KLF12: variants seen among roughly 807,000 people sequenced by gnomAD.
KLF12 encodes KLF transcription factor 12.
A neutral mutation model predicts 37.8 loss-of-function variants in KLF12; 9 were observed. The observed-to-expected ratio is 0.24, with a 90% CI of 0.14 to 0.42. The LOEUF (loss-of-function observed/expected upper bound fraction) is 0.42. KLF12 is among the 10% of genes least tolerant of loss of function. The probability of loss-of-function intolerance (pLI) is 1.00; values close to 1 mark genes in which losing one functional copy is unlikely to be tolerated. For missense variants in KLF12, 411 were observed against 516.0 expected, an observed-to-expected ratio of 0.80 and a Z score of 1.97; for synonymous variants, 208 against 202.1, an observed-to-expected ratio of 1.03 and a Z score of -0.25.
At position 73,956,701 on chromosome 13, in the gene KLF12, G is replaced by A. The variant is rs1890844721; in HGVS notation, c.34-12631C>T. Among the ~76,000 whole-genome samples, 2 of 152,072 alleles carry A rather than the reference G, an allele frequency of 1.3e-5. 1 individual carries two copies. The highest frequency in any genetic ancestry group is 4.1e-4 in the South Asian group (2 of 4,824). ...CTTGGGAGGCCAAGGCAGGAGGACTGCTTGAGCCCAGGAGTTTCAGACCAG... is the reference window on the plus strand; with the variant it reads ...CTTGGGAGGCCAAGGCAGGAGGACTACTTGAGCCCAGGAGTTTCAGACCAG... On this transcript the variant is annotated intron_variant, in intron 2 of 7. Transcript: ENST00000377669.
At chr13:73,729,648 G>C (rs865820939) in intron 6 of KLF12, among the ~76,000 whole-genome samples, 13 of 152,286 alleles carry the variant, frequency 8.5e-5, no homozygotes, top group Admixed American at 7.2e-4. Flanking sequence ...CATATTTATT[G>C]ATGATTAAAT....
chr13:74,151,998 AG>A, the KLF12 span, among the ~76,000 whole-genome samples: 1 of 152,230 alleles, frequency 6.6e-6, no homozygotes, highest in African/African-American at 2.4e-5. Context: ...GAGAATAAAA[AG>A]GGCAACTAAC....
chr13:74,178,244 A>G, the KLF12 span, among the ~76,000 whole-genome samples: 1 of 152,232 alleles, frequency 6.6e-6, no homozygotes, highest in Non-Finnish European at 1.5e-5. Flanking sequence ...TGGTGTTGAC[A>G]AGCTCCCAAG....
intron 1 of KLF12, among the ~76,000 whole-genome samples, chr13:74,099,297 G>A (rs560992857): frequency 3.9e-5 from 6 of 152,200 alleles, no homozygotes; most frequent in South Asian, 4.1e-4. Flanking sequence ...AGTGAGCTAA[G>A]ATCAAGGCCA....
At chr13:74,166,154 G>A in the KLF12 span, among the ~76,000 whole-genome samples, 9 of 145,534 alleles carry the variant, frequency 6.2e-5, no homozygotes, top group East Asian at 2.1e-4. Context: ...GAGCAGTGGC[G>A]CGATCCCAGC....
At position 73,866,565 on chromosome 13, in the gene KLF12, C is replaced by T. The variant is rs888201517; in HGVS notation, c.124-20192G>A. 6.6e-5 allele frequency among the ~76,000 whole-genome samples: 10 copies of T among 151,944 alleles called. No homozygotes were observed. The South Asian group carries it at 1.9e-3, about 28-fold the overall frequency. The stretch of plus-strand genomic sequence containing the variant: ...ACCAGAAGACAACAGGATAGGTTTA[C>T]ATTCTGAAATAAAAAAAAATAAAAC... On this transcript the variant is annotated intron_variant, in intron 3 of 7. Transcript: ENST00000377669.
At chr13:74,248,700 C>A in the KLF12 span, among the ~76,000 whole-genome samples, 1 of 152,126 alleles carries the variant, frequency 6.6e-6, no homozygotes, top group South Asian at 2.1e-4. Flanking sequence ...CGAGACCAGT[C>A]CTATTGGCTG....
At chr13:73,767,471 T>G (rs572932527) in intron 5 of KLF12, among the ~76,000 whole-genome samples, 20 of 152,194 alleles carry the variant, frequency 1.3e-4, no homozygotes, top group Admixed American at 3.3e-4. Context: ...AACTGCTGGA[T>G]GTGGAAAGAA....
chr13:73,691,412 T>C lies in KLF12; in HGVS notation c.*4078A>G, dbSNP rs1333410504. The stretch of plus-strand genomic sequence containing the variant: ...TACTAGAATACATTTACCTGCTAAG[T>C]TTACAGGCAACATTGAAGAGCAAAA... On this transcript the variant is annotated 3_prime_UTR_variant, in exon 8 of 8. Coordinates refer to ENST00000377669, the MANE Select transcript of KLF12 (RefSeq NM_007249.5). 1 of 152,642 alleles carries C rather than the reference T, an allele frequency of 6.6e-6. No individual in the cohort carries two copies. The highest frequency in any genetic ancestry group is 1.5e-5 in the Non-Finnish European group (1 of 68,028). The allele number at this position is 152,642 out of a possible 1,614,324, so 9.5% of individuals were successfully genotyped here.
chr13:74,265,958 A>C, the KLF12 span, among the ~76,000 whole-genome samples: 2 of 152,096 alleles, frequency 1.3e-5, no homozygotes, highest in East Asian at 3.9e-4. Context: ...GCTCCATTCA[A>C]CTCTCCAATT....
At chr13:73,993,868 CCTT>C (rs1263690239) in intron 2 of KLF12, among the ~76,000 whole-genome samples, 2 of 137,174 alleles carry the variant, frequency 1.5e-5, no homozygotes, top group East Asian at 5.4e-4. Context: ...CCTCTCCCCT[CCTT>C]CTCCCAGAGA....
intron 6 of KLF12, among the ~76,000 whole-genome samples, chr13:73,761,434 C>G (rs1246929194): frequency 1.3e-5 from 2 of 152,158 alleles, no homozygotes; most frequent in Non-Finnish European, 2.9e-5. Context: ...GGAGACAACT[C>G]TCCTGTATCA....
chr13:74,226,647 T>G, the KLF12 span, among the ~76,000 whole-genome samples: 1 of 152,186 alleles, frequency 6.6e-6, no homozygotes, highest in Non-Finnish European at 1.5e-5. Flanking sequence ...TTCAATATGC[T>G]TTAAAGAAAA....
chr13:73,887,290 G>T (rs946110493), intron 3 of KLF12, among the ~76,000 whole-genome samples: 21 of 152,176 alleles, frequency 1.4e-4, no homozygotes, highest in African/African-American at 5.1e-4. Context: ...TTAGATATTT[G>T]TCCTGCCCAA....
At chr13:74,216,614 T>C in the KLF12 span, among the ~76,000 whole-genome samples, 1 of 152,162 alleles carries the variant, frequency 6.6e-6, no homozygotes, top group South Asian at 2.1e-4. Context: ...TCAGGAGACA[T>C]AATGAAGAGA....
At chr13:74,283,973 C>T in the KLF12 span, among the ~76,000 whole-genome samples, 1 of 151,820 alleles carries the variant, frequency 6.6e-6, no homozygotes. Flanking sequence ...CATTCTCCTA[C>T]CTCAGCCTCC....
intron 6 of KLF12, among the ~76,000 whole-genome samples, chr13:73,731,270 C>A (rs1877036094): frequency 6.6e-6 from 1 of 151,800 alleles, no homozygotes; most frequent in Admixed American, 6.6e-5. Context: ...AGGAAAAGTG[C>A]CAAGATAAAA....
At chr13:74,111,181 G>T (rs552855164) in intron 1 of KLF12, among the ~76,000 whole-genome samples, 1 of 150,282 alleles carries the variant, frequency 6.7e-6, no homozygotes, top group Non-Finnish European at 1.5e-5. Context: ...AGAATAATAA[G>T]AATAATATAA....
At chr13:74,156,554 G>A in the KLF12 span, among the ~76,000 whole-genome samples, 1 of 147,762 alleles carries the variant, frequency 6.8e-6, no homozygotes, top group Non-Finnish European at 1.5e-5. Context: ...CTATCAAATA[G>A]TAGATCTTAT....
Sources: allele counts gnomAD v4.1 joint callset (sites outside exome capture counted in the v4.1 genomes callset), GRCh38; gene constraint gnomAD v4.1.1; transcripts MANE v1.5; gene names NCBI Gene and HGNC (gene_info 2026-07-23, HGNC 2026-07-21).